The following GRB10 variants were observed in gnomAD, a reference collection of about 807,000 sequenced individuals.
GRB10 encodes the protein growth factor receptor-bound protein 10.
A neutral mutation model predicts 80.9 loss-of-function variants in GRB10; 20 were observed. The observed-to-expected ratio is 0.25, with a 90% CI of 0.17 to 0.36. The LOEUF is 0.36. GRB10 is among the 10% of genes least tolerant of loss of function. The pLI is 1.00. For missense variants in GRB10, 548 were observed against 747.7 expected, an observed-to-expected ratio of 0.73 and a Z score of 3.12; for synonymous variants, 291 against 291.5, an observed-to-expected ratio of 1.00 and a Z score of 0.02.
chr7:50,792,649 A>G, intron 1 of GRB10: 2 of 367,134 alleles, frequency 5.4e-6, no homozygotes, highest in Non-Finnish European at 4.9e-6. Flanking sequence ...CAACAGAACC[A>G]AAAAAAAGGT....
intron 14 of GRB10, 85 bp downstream of exon 14, chr7:50,606,252 C>T: frequency 3.8e-6 from 4 of 1,065,466 alleles, no homozygotes; most frequent in Non-Finnish European, 5.9e-6. Context: ...CTCTTGCCCA[C>T]CCTGTGTGAA....
At chr7:50,766,623 C>A (rs1053383690) in intron 2 of GRB10, among the ~76,000 whole-genome samples, 1 of 152,024 alleles carries the variant, frequency 6.6e-6, no homozygotes, top group Non-Finnish European at 1.5e-5. Context: ...AGTGGAGAGG[C>A]GTGCACAGTT....
intron 5 of GRB10, among the ~76,000 whole-genome samples, chr7:50,700,661 CT>C (rs1196774388): frequency 6.6e-6 from 1 of 152,194 alleles, no homozygotes; most frequent in Admixed American, 6.5e-5. Flanking sequence ...ACTATGTTCA[CT>C]TTCATTCAGT....
intron 13 of GRB10, among the ~76,000 whole-genome samples, chr7:50,609,312 G>A (rs569811988): frequency 6.6e-6 from 1 of 152,260 alleles, no homozygotes; most frequent in African/African-American, 2.4e-5. Flanking sequence ...AAGAAAAACT[G>A]TGTAATGAAG....
At chr7:50,725,564 G>A (rs1031283813) in intron 4 of GRB10, among the ~76,000 whole-genome samples, 3 of 152,152 alleles carry the variant, frequency 2.0e-5, no homozygotes, top group Admixed American at 6.5e-5. Context: ...GGTCTCATAA[G>A]TAAAACAAAA....
intron 10 of GRB10, among the ~76,000 whole-genome samples, chr7:50,616,601 T>C (rs998364817): frequency 2.6e-5 from 4 of 152,144 alleles, no homozygotes; most frequent in African/African-American, 4.8e-5. Flanking sequence ...AATTTCCCTA[T>C]AAGATAGTGC....
intron 3 of GRB10, among the ~76,000 whole-genome samples, chr7:50,733,303 C>A (rs149641398): frequency 6.6e-6 from 1 of 152,140 alleles, no homozygotes; most frequent in Non-Finnish European, 1.5e-5. Context: ...ATCCAGACTG[C>A]GGGAAATGGA....
chr7:50,622,055 G>T (rs62447517), intron 8 of GRB10, among the ~76,000 whole-genome samples: 17,380 of 152,160 alleles, frequency 0.11, 1,258 homozygotes, highest in Non-Finnish European at 0.16. Flanking sequence ...GCAGCCCTTG[G>T]GCCACTCCCT....
At chr7:50,745,514 AC>A (rs1445180619) in intron 3 of GRB10, among the ~76,000 whole-genome samples, 9 of 152,220 alleles carry the variant, frequency 5.9e-5, no homozygotes, top group South Asian at 2.1e-4. Context: ...ACCAACTATA[AC>A]CCCCACTGGT....
intron 5 of GRB10, among the ~76,000 whole-genome samples, chr7:50,684,331 G>GTT (rs2061874923): frequency 2.1e-5 from 1 of 47,214 alleles, no homozygotes; most frequent in Non-Finnish European, 5.6e-5. Flanking sequence ...ATTCCAGTGA[G>GTT]ATTTTTTTTT....
intron 2 of GRB10, among the ~76,000 whole-genome samples, chr7:50,776,737 G>A (rs532212869): frequency 6.6e-6 from 1 of 152,212 alleles, no homozygotes; most frequent in East Asian, 1.9e-4. Flanking sequence ...AGCAAGGACT[G>A]TCTTTCCTCC....
At chr7:50,623,184 G>A (rs577388407) in intron 8 of GRB10, among the ~76,000 whole-genome samples, 8 of 152,218 alleles carry the variant, frequency 5.3e-5, no homozygotes, top group African/African-American at 1.2e-4. Flanking sequence ...CCTGGGTCAG[G>A]GACAGTGTTT....
chr7:50,706,361 T>G (rs1456174773), intron 4 of GRB10, among the ~76,000 whole-genome samples: 1 of 152,234 alleles, frequency 6.6e-6, no homozygotes, highest in Admixed American at 6.5e-5. Context: ...AATAAACACC[T>G]TCGAGCACAA....
intron 17 of GRB10, among the ~76,000 whole-genome samples, chr7:50,602,475 C>T (rs1234718882): frequency 2.0e-5 from 3 of 152,156 alleles, no homozygotes; most frequent in Non-Finnish European, 4.4e-5. Context: ...CACACCATGA[C>T]CACCACTCCC....
At position 50,775,166 on chromosome 7, in the gene GRB10, AAAAAAAAC is replaced by A. The variant is rs1448631136; in HGVS notation, c.-217+5453_-217+5460del. Reference sequence around the variant, plus strand: ...ACACAGTGAGATCCTGTCTCCAAAAAAAAAAAACAAAAAAAAACAGTGGAACAGACAAA... The same window carrying A: ...ACACAGTGAGATCCTGTCTCCAAAAAAAAAAAAAACAGTGGAACAGACAAA... On this transcript the variant is annotated intron_variant, in intron 2 of 18. Coordinates refer to ENST00000401949, the MANE Select transcript of GRB10 (RefSeq NM_001350814.2). Among the ~76,000 whole-genome samples the A allele has an allele frequency of 1.8e-3, 223 of 125,400 alleles. 27 individuals carry two copies. Among genetic ancestry groups the A allele is most frequent in the African/African-American group, 6.9e-3 (210 of 30,392 alleles). 82.3% of individuals were successfully genotyped at this position (125,400 alleles called of 152,430 possible).
At chr7:50,703,670 AT>A in intron 5 of GRB10, 150 bp downstream of exon 5, 1 of 635,214 alleles carries the variant, frequency 1.6e-6, no homozygotes, top group South Asian at 1.5e-5. Context: ...ATCTTTCTCT[AT>A]TTGGGAATTC....
chr7:50,767,535 C>T (rs935057567), intron 2 of GRB10, among the ~76,000 whole-genome samples: 2 of 152,172 alleles, frequency 1.3e-5, no homozygotes, highest in Admixed American at 1.3e-4. Flanking sequence ...CTGGTCTGGG[C>T]AGAGCTGGCC....
intron 7 of GRB10, among the ~76,000 whole-genome samples, chr7:50,640,411 GA>G (rs1172128136): frequency 6.6e-6 from 1 of 152,192 alleles, no homozygotes; most frequent in Non-Finnish European, 1.5e-5. Context: ...CATCATGGAG[GA>G]AGCCTGTGGT....
intron 5 of GRB10, among the ~76,000 whole-genome samples, chr7:50,690,369 A>G (rs1490879933): frequency 6.6e-6 from 1 of 152,226 alleles, no homozygotes; most frequent in African/African-American, 2.4e-5. Flanking sequence ...GCAAAGTACA[A>G]TATAGTGGAA....
Sources: allele counts gnomAD v4.1 joint callset (sites outside exome capture counted in the v4.1 genomes callset), GRCh38; gene constraint gnomAD v4.1.1; transcripts MANE v1.5; gene names NCBI Gene and HGNC (gene_info 2026-07-23, HGNC 2026-07-21).